CACNA2D3: variants seen among roughly 807,000 people sequenced by gnomAD.
The protein encoded by CACNA2D3 is voltage-dependent calcium channel subunit alpha-2/delta-3.
Under a neutral mutation model 160.6 loss-of-function variants are expected in CACNA2D3, and 60 were observed. The ratio of observed to expected loss-of-function variants is 0.37; its 90% CI spans 0.30 to 0.46. CACNA2D3 has a LOEUF of 0.46. Among genes scored for constraint, CACNA2D3 ranks in the 20% least tolerant of loss-of-function variants. The pLI, the probability that CACNA2D3 is intolerant of heterozygous loss-of-function variation, is 1.00. For synonymous variants in CACNA2D3, 558 were observed against 492.9 expected (o/e 1.13, Z -1.75); for missense variants, 1,205 against 1,365.0 (o/e 0.88, Z 1.85).
At chr3:54,203,447 G>T in intron 2 of CACNA2D3, among the ~76,000 whole-genome samples, 1 of 152,186 alleles carries the variant, frequency 6.6e-6, no homozygotes, top group Non-Finnish European at 1.5e-5. Context: ...TCTGTAGGCA[G>T]CTTGTGTTAG....
intron 2 of CACNA2D3, among the ~76,000 whole-genome samples, chr3:54,129,256 T>C (rs1040235491): frequency 6.6e-6 from 1 of 152,220 alleles, no homozygotes; most frequent in Admixed American, 6.5e-5. Flanking sequence ...CTGATGTGTT[T>C]TAGGGGATTT....
intron 2 of CACNA2D3, among the ~76,000 whole-genome samples, chr3:54,319,199 C>CACACACACACACACACACACAT (rs1291286123): frequency 8.0e-5 from 12 of 149,274 alleles, no homozygotes; most frequent in South Asian, 4.3e-4. Flanking sequence ...CACACACACA[C>CACACACACACACACACACACAT]ACCCTTCCTC....
chr3:54,674,536 G>C (rs955249351), intron 11 of CACNA2D3, among the ~76,000 whole-genome samples: 1 of 152,150 alleles, frequency 6.6e-6, no homozygotes, highest in African/African-American at 2.4e-5. Flanking sequence ...TGGCCAACAG[G>C]GTTGTGTGTT....
At chr3:54,730,329 A>G (rs891814833) in intron 11 of CACNA2D3, among the ~76,000 whole-genome samples, 1 of 152,184 alleles carries the variant, frequency 6.6e-6, no homozygotes, top group Non-Finnish European at 1.5e-5. Context: ...GAGTTAAACT[A>G]GTCTCTGTGG....
At chr3:54,782,867 G>A (rs1702561039) in intron 13 of CACNA2D3, among the ~76,000 whole-genome samples, 1 of 152,120 alleles carries the variant, frequency 6.6e-6, no homozygotes, top group Non-Finnish European at 1.5e-5. Context: ...GGTGGAGTAG[G>A]GCAGGTGTCA....
chr3:54,518,211 C>T (rs921784716), intron 5 of CACNA2D3, among the ~76,000 whole-genome samples: 3 of 152,152 alleles, frequency 2.0e-5, no homozygotes, highest in African/African-American at 7.2e-5. Context: ...GGGTCCCATC[C>T]CCGCTCCTCC....
At chr3:54,442,065 T>G (rs1034601975) in intron 4 of CACNA2D3, among the ~76,000 whole-genome samples, 3 of 152,174 alleles carry the variant, frequency 2.0e-5, no homozygotes, top group African/African-American at 7.2e-5. Flanking sequence ...TGCCTCTGCC[T>G]CCTAAGTAGC....
intron 4 of CACNA2D3, among the ~76,000 whole-genome samples, chr3:54,484,701 G>T (rs1328633748): frequency 2.0e-5 from 3 of 152,078 alleles, no homozygotes; most frequent in Non-Finnish European, 4.4e-5. Context: ...TCTTGTAACT[G>T]GAAATGGTGA....
chr3:54,251,672 C>A (rs1042683716), intron 2 of CACNA2D3, among the ~76,000 whole-genome samples: 2 of 152,246 alleles, frequency 1.3e-5, no homozygotes, highest in Admixed American at 6.5e-5. Context: ...CGTGTAACTT[C>A]ATTGCCTTCC....
At chr3:54,722,880 G>A (rs551586292) in intron 11 of CACNA2D3, among the ~76,000 whole-genome samples, 4 of 152,272 alleles carry the variant, frequency 2.6e-5, no homozygotes, top group Admixed American at 6.5e-5. Flanking sequence ...GTCAGGGACC[G>A]ACTTGAGGAG....
intron 4 of CACNA2D3, among the ~76,000 whole-genome samples, chr3:54,410,722 T>C (rs111605752): frequency 7.9e-5 from 12 of 152,344 alleles, no homozygotes; most frequent in African/African-American, 2.9e-4. Context: ...GAGATTAATG[T>C]TGTTTTCATG....
intron 33 of CACNA2D3, among the ~76,000 whole-genome samples, chr3:55,008,787 A>T (rs536389427): frequency 6.6e-6 from 1 of 152,132 alleles, no homozygotes; most frequent in Admixed American, 6.5e-5. Flanking sequence ...GATAATTTAT[A>T]TTATTTTTGT....
intron 13 of CACNA2D3, among the ~76,000 whole-genome samples, chr3:54,787,433 G>A (rs1702662943): frequency 6.6e-6 from 1 of 152,180 alleles, no homozygotes; most frequent in South Asian, 2.1e-4. Flanking sequence ...GAAACTGGAA[G>A]GTAGCTGTTC....
chr3:54,591,586 T>TTTA (rs1702861408), intron 9 of CACNA2D3, among the ~76,000 whole-genome samples: 2 of 151,496 alleles, frequency 1.3e-5, no homozygotes, highest in Admixed American at 1.3e-4. Flanking sequence ...TTTTTTTTTT[T>TTTA]TCACATCACT....
chr3:54,474,247 G>C (rs546048949), intron 4 of CACNA2D3, among the ~76,000 whole-genome samples: 1 of 151,964 alleles, frequency 6.6e-6, no homozygotes, highest in African/African-American at 2.4e-5. Context: ...TGTCCTTTGC[G>C]GGGACATGGT....
chr3:54,672,900 T>C (rs1360414902), intron 11 of CACNA2D3, among the ~76,000 whole-genome samples: 2 of 152,074 alleles, frequency 1.3e-5, no homozygotes, highest in Non-Finnish European at 2.9e-5. Flanking sequence ...ATGACAACGA[T>C]TGTGATGATG....
intron 27 of CACNA2D3, among the ~76,000 whole-genome samples, chr3:54,909,614 T>C (rs1392813441): frequency 6.6e-6 from 1 of 151,742 alleles, no homozygotes; most frequent in Non-Finnish European, 1.5e-5. Context: ...TCATAAACTT[T>C]CTTAAAACAT....
chr3:54,170,321 C>T (rs1700539997), intron 2 of CACNA2D3, among the ~76,000 whole-genome samples: 1 of 152,062 alleles, frequency 6.6e-6, no homozygotes, highest in Non-Finnish European at 1.5e-5. Flanking sequence ...CTCTGTTGAC[C>T]TTCAGAGAGA....
chr3:54,717,186 A>G (rs1019618143), intron 11 of CACNA2D3, among the ~76,000 whole-genome samples: 1 of 152,152 alleles, frequency 6.6e-6, no homozygotes, highest in African/African-American at 2.4e-5. Flanking sequence ...ATTGCTGTGT[A>G]GTACTCTGGT....
Sources: allele counts gnomAD v4.1 joint callset (sites outside exome capture counted in the v4.1 genomes callset), GRCh38; gene constraint gnomAD v4.1.1; transcripts MANE v1.5; gene names NCBI Gene and HGNC (gene_info 2026-07-23, HGNC 2026-07-21).